Variants in BPHL observed in about 807,000 individuals in gnomAD.
BPHL encodes biphenyl hydrolase like, also known as serine hydrolase BPHL.
In BPHL, 27 loss-of-function variants were observed where a neutral mutation model predicts 31.2. The ratio of observed to expected loss-of-function variants is 0.87; its 90% CI spans 0.64 to 1.19. The LOEUF (loss-of-function observed/expected upper bound fraction) is 1.19, where lower values mean the gene tolerates loss of function less well. BPHL is among the 50% of genes most tolerant of loss of function. BPHL has a pLI of 0.00. For missense variants in BPHL, 356 were observed against 375.7 expected (o/e 0.95, Z 0.43); for synonymous variants, 150 against 146.8 (o/e 1.02, Z -0.16).
chr6:3,150,067 T>G (rs1762479607), intron 6 of BPHL: 1 of 152,232 alleles, frequency 6.6e-6, no homozygotes. Context: ...TGATATGCCA[T>G]GTTGCTGCCC....
chr6:3,129,805 GTT>G (rs112506760), intron 4 of BPHL, among the ~76,000 whole-genome samples: 2,703 of 136,450 alleles, frequency 0.02, 86 homozygotes, highest in African/African-American at 0.068. Flanking sequence ...TGTCTTTGAG[GTT>G]TTTTTTTTTT....
In BPHL at chr6:3,153,436, T is replaced by G; in HGVS notation, c.*861T>G. ...CCTCTCCTGGTTCACTTTTGAGAGA[T>G]GAATACTTTGGGCCAGTAAAGGTGA... is the stretch of plus-strand genomic sequence containing the variant. On this transcript the variant is annotated 3_prime_UTR_variant, in exon 7 of 7. Transcript: ENST00000380379. 4.0e-6 allele frequency: 1 copy of G among 248,668 alleles called. No homozygotes were observed. Among genetic ancestry groups the G allele is most frequent in the Non-Finnish European group, 7.8e-6 (1 of 128,418 alleles). The allele number at this position is 248,668 out of a possible 1,614,324, so 15.4% of individuals were successfully genotyped here.
At chr6:3,138,430 T>A (rs1400454958) in intron 5 of BPHL, 1 of 155,256 alleles carries the variant, frequency 6.4e-6, no homozygotes, top group African/African-American at 2.4e-5. Context: ...ATGTTTATAA[T>A]CTCATTTTTT....
At position 3,152,535 on chromosome 6, in the gene BPHL, C is replaced by G. The variant is rs552783913; in HGVS notation, c.836C>G (p.Ala279Gly). The G allele has an allele frequency of 6.2e-7, 1 of 1,613,050 alleles. No homozygotes were observed. Among genetic ancestry groups the G allele is most frequent in the Non-Finnish European group, 8.5e-7 (1 of 1,179,596 alleles). Residue 279 changes from alanine to glycine, a missense_variant, in exon 7 of 7, where the codon GCA (alanine) becomes GGA (glycine). Transcript: ENST00000380379. Reference protein sequence around the residue: ...EGKHNLHLRFADEFNKLAEDF... With the variant: ...EGKHNLHLRFGDEFNKLAEDF... ...AAACACAACCTGCATTTGCGTTTTGCAGATGAATTCAACAAGTTAGCAGAA... is the reference window on the plus strand; with the variant it reads ...AAACACAACCTGCATTTGCGTTTTGGAGATGAATTCAACAAGTTAGCAGAA...
chr6:3,137,690 G>C (rs1762051485), intron 5 of BPHL, among the ~76,000 whole-genome samples, 197 bp downstream of exon 5: 1 of 152,154 alleles, frequency 6.6e-6, no homozygotes, highest in Admixed American at 6.5e-5. Flanking sequence ...CGGAGAGGTA[G>C]GACTGCGTGT....
In BPHL at chr6:3,125,414, T is replaced by G. The variant is rs190883353; in HGVS notation, c.211+1654T>G. Among the ~76,000 whole-genome samples, 385 of 152,222 alleles carry G rather than the reference T, an allele frequency of 2.5e-3. 1 individual carries two copies. The highest frequency in any genetic ancestry group is 9.1e-3 in the African/African-American group (376 of 41,536). On this transcript the variant is annotated intron_variant, in intron 2 of 6. Transcript: ENST00000380379. ...ATTAAAAAAAATGGACCAGAGGAGA[T>G]TCTCTCTCCTGTCCTATCCTCAGCA...
intron 2 of BPHL, 128 bp downstream of exon 2, chr6:3,123,888 C>A: frequency 1.3e-6 from 1 of 779,146 alleles, no homozygotes; most frequent in Non-Finnish European, 1.9e-6. Flanking sequence ...TTGCTACAAT[C>A]AAACTTAAAT....
chr6:3,136,739 A>T (rs187038141), intron 4 of BPHL, among the ~76,000 whole-genome samples: 2 of 152,334 alleles, frequency 1.3e-5, no homozygotes, highest in East Asian at 3.9e-4. Flanking sequence ...AATATAGAAA[A>T]CATTGGCCTA....
At chr6:3,126,172 GT>G (rs1761705624) in intron 2 of BPHL, among the ~76,000 whole-genome samples, 1 of 151,174 alleles carries the variant, frequency 6.6e-6, no homozygotes, top group African/African-American at 2.4e-5. Flanking sequence ...GCATTTCAGT[GT>G]TTTTGTTTAG....
intron 4 of BPHL, among the ~76,000 whole-genome samples, chr6:3,132,895 C>T (rs1212020732): frequency 2.0e-5 from 3 of 152,162 alleles, no homozygotes; most frequent in Non-Finnish European, 4.4e-5. Flanking sequence ...CGAGTTCTCA[C>T]TATGTTGCCT....
Position 3,149,207 on chromosome 6 carries a change from C to T in BPHL, c.789-3281C>T, listed in dbSNP as rs1014112615. Among the ~76,000 whole-genome samples the T allele has an allele frequency of 6.6e-6, 1 of 152,118 alleles. No homozygotes were observed. On this transcript the variant is annotated intron_variant, in intron 6 of 6. Transcript: ENST00000380379. The surrounding 1 kb of genome is among the most constrained non-coding windows in gnomAD (Gnocchi z 4.6). ...TGCTGGTTAGACAAAACTGTCCTGG[C>T]CCCGTAAAGCCAGTGTTTTCCTCCC... is the stretch of plus-strand genomic sequence containing the variant.
chr6:3,130,257 C>A (rs756438730), intron 4 of BPHL, among the ~76,000 whole-genome samples: 2 of 152,218 alleles, frequency 1.3e-5, no homozygotes, highest in Non-Finnish European at 2.9e-5. Context: ...CCCTTTACCA[C>A]CCAGCATTGC....
intron 2 of BPHL, among the ~76,000 whole-genome samples, chr6:3,125,524 A>G (rs1313944287): frequency 6.6e-6 from 1 of 152,026 alleles, no homozygotes; most frequent in Non-Finnish European, 1.5e-5. Flanking sequence ...TTTAAGTTTT[A>G]TATTCTTGGC....
At chr6:3,142,062 G>C (rs145114582) in intron 6 of BPHL, among the ~76,000 whole-genome samples, 3 of 151,906 alleles carry the variant, frequency 2.0e-5, no homozygotes, top group Non-Finnish European at 4.4e-5. Flanking sequence ...CTAAGTTATG[G>C]TCATGGTACA....
chr6:3,141,525 G>A (rs890516616), intron 6 of BPHL, among the ~76,000 whole-genome samples: 1 of 152,050 alleles, frequency 6.6e-6, no homozygotes, highest in African/African-American at 2.4e-5. Flanking sequence ...GCGCCACCAC[G>A]CCCAGCTAAT....
chr6:3,128,968 C>T, intron 3 of BPHL, 77 bp from the exon 4 acceptor site: 1 of 1,594,134 alleles, frequency 6.3e-7, no homozygotes, highest in Non-Finnish European at 8.6e-7. Flanking sequence ...TGTATTGATT[C>T]TGATAATTAG....
intron 1 of BPHL, among the ~76,000 whole-genome samples, chr6:3,123,283 A>G (rs138300014): frequency 1.3e-5 from 2 of 152,388 alleles, no homozygotes; most frequent in African/African-American, 4.8e-5. Context: ...GTTTTATCAT[A>G]TTAAATTCGT....
chr6:3,121,010 G>A (rs1761554689), intron 1 of BPHL, among the ~76,000 whole-genome samples: 1 of 152,208 alleles, frequency 6.6e-6, no homozygotes, highest in Non-Finnish European at 1.5e-5. Flanking sequence ...AGTGTGGGCA[G>A]ATTGTTCAAC....
At chr6:3,130,932 G>C (rs767570025) in intron 4 of BPHL, among the ~76,000 whole-genome samples, 3 of 152,032 alleles carry the variant, frequency 2.0e-5, no homozygotes, top group Non-Finnish European at 2.9e-5. Flanking sequence ...GCTCCTGCCT[G>C]GTATCCATCT....
Sources: allele counts gnomAD v4.1 joint callset (sites outside exome capture counted in the v4.1 genomes callset), GRCh38; gene constraint gnomAD v4.1.1; non-coding constraint Gnocchi (gnomAD v3.1); transcripts MANE v1.5; gene names NCBI Gene and HGNC (gene_info 2026-07-23, HGNC 2026-07-21).